ANO1: variants seen among roughly 807,000 people sequenced by gnomAD.
ANO1 encodes anoctamin-1.
ANO1 carries 59 observed loss-of-function variants against 124.0 expected under a neutral mutation model. The observed-to-expected ratio is 0.48, with a 90% CI of 0.39 to 0.59. The LOEUF (loss-of-function observed/expected upper bound fraction) is 0.59, where lower values mean the gene tolerates loss of function less well. Among genes scored for constraint, ANO1 ranks in the 20% least tolerant of loss-of-function variants. ANO1 has a pLI of 0.00. For synonymous variants in ANO1, 529 were observed against 532.0 expected (o/e 0.99, Z 0.08); for missense variants, 1,059 against 1,328.0 (o/e 0.80, Z 3.15).
chr11:70,066,912 A>G (rs12419772), intron 1 of ANO1, among the ~76,000 whole-genome samples: 14,149 of 151,920 alleles, frequency 0.093, 988 homozygotes, highest in Admixed American at 0.18. Context: ...GCCTGTCCCC[A>G]CTCCCAGGCC....
At chr11:70,165,417 G>C in intron 19 of ANO1, 53 bp from the exon 20 acceptor site, 1 of 1,474,892 alleles carries the variant, frequency 6.8e-7, no homozygotes, top group Non-Finnish European at 9.3e-7. Flanking sequence ...GCAGGGCTGG[G>C]GTCCCTCTCT....
intron 6 of ANO1, chr11:70,111,101 T>C (rs1355166561): frequency 2.2e-6 from 1 of 456,306 alleles, no homozygotes; most frequent in Admixed American, 2.4e-5. Flanking sequence ...CCCTTCCACC[T>C]CACTAATAGC....
chr11:70,061,912 AG>A (rs1313307361), intron 1 of ANO1, among the ~76,000 whole-genome samples: 4 of 152,148 alleles, frequency 2.6e-5, no homozygotes, highest in Admixed American at 1.3e-4. Flanking sequence ...AGTAAACCAC[AG>A]GAAGTGTCAG....
At chr11:70,040,265 T>G (rs1857162697) in intron 1 of ANO1, among the ~76,000 whole-genome samples, 1 of 152,056 alleles carries the variant, frequency 6.6e-6, no homozygotes, top group African/African-American at 2.4e-5. Flanking sequence ...CACAAAACCT[T>G]ACTAAGGTTT....
At chr11:70,091,920 T>C (rs2044643001) in intron 2 of ANO1, among the ~76,000 whole-genome samples, 1 of 152,142 alleles carries the variant, frequency 6.6e-6, no homozygotes, top group Non-Finnish European at 1.5e-5. Context: ...GGCCAGTTCT[T>C]GGAGATCGGA....
At chr11:69,991,346 G>A (rs1253238999) in intron 1 of ANO1, among the ~76,000 whole-genome samples, 1 of 152,156 alleles carries the variant, frequency 6.6e-6, no homozygotes, top group Non-Finnish European at 1.5e-5. Flanking sequence ...GGTAGGTTTG[G>A]GATGCCCTGT....
chr11:70,161,525 G>T, intron 17 of ANO1, 97 bp from the exon 18 acceptor site: 3 of 1,435,612 alleles, frequency 2.1e-6, no homozygotes, highest in South Asian at 2.3e-5. Context: ...TATGAGAGCC[G>T]ACTGAGTGAC....
intron 3 of ANO1, 49 bp downstream of exon 3, chr11:70,103,213 C>T: frequency 6.9e-7 from 1 of 1,455,754 alleles, no homozygotes; most frequent in Non-Finnish European, 9.4e-7. Context: ...GTCTAGAGGT[C>T]ACTTGGACGC....
At chr11:70,033,567 T>A (rs1197828132) in intron 1 of ANO1, among the ~76,000 whole-genome samples, 1 of 152,150 alleles carries the variant, frequency 6.6e-6, no homozygotes, top group African/African-American at 2.4e-5. Context: ...CTCTTCTCCC[T>A]GTGGCCTTAT....
intron 7 of ANO1, 81 bp from the exon 8 acceptor site, chr11:70,116,377 A>T: frequency 7.3e-7 from 1 of 1,365,394 alleles, no homozygotes; most frequent in African/African-American, 1.4e-5. Flanking sequence ...GCTGGGGTTT[A>T]TGTTTTGAAA....
At chr11:70,057,664 C>G (rs1387053392) in intron 1 of ANO1, among the ~76,000 whole-genome samples, 1 of 151,914 alleles carries the variant, frequency 6.6e-6, no homozygotes, top group African/African-American at 2.4e-5. Context: ...GACTCATTGT[C>G]CAGGGGAGGA....
upstream of ANO1, among the ~76,000 whole-genome samples, chr11:69,983,615 C>G (rs555412374): frequency 3.3e-5 from 5 of 152,342 alleles, no homozygotes; most frequent in African/African-American, 1.2e-4. Flanking sequence ...TCCTGCGGGC[C>G]ACATGGGCAG....
chr11:70,129,426 C>G (rs545358883), intron 10 of ANO1: 2 of 152,292 alleles, frequency 1.3e-5, no homozygotes, highest in Non-Finnish European at 2.9e-5. Flanking sequence ...AATGCAAGAG[C>G]TGAGATACAA....
intron 1 of ANO1, among the ~76,000 whole-genome samples, chr11:70,073,203 C>A (rs545913457): frequency 1.3e-5 from 2 of 151,288 alleles, no homozygotes; most frequent in African/African-American, 2.4e-5. Context: ...TGTCCCGCTG[C>A]GGGGAGTCCG....
intron 11 of ANO1, among the ~76,000 whole-genome samples, chr11:70,136,565 C>T (rs2046963480): frequency 6.8e-6 from 1 of 147,644 alleles, no homozygotes; most frequent in African/African-American, 2.4e-5. Flanking sequence ...TGCTGAGGTT[C>T]GAAGGCTCAG....
intron 6 of ANO1, among the ~76,000 whole-genome samples, chr11:70,110,914 G>C (rs969618018): frequency 6.6e-6 from 1 of 152,262 alleles, no homozygotes; most frequent in African/African-American, 2.4e-5. Context: ...ATGCGCACCT[G>C]TTAGGACACA....
chr11:70,140,543 AAAGAAG>A (rs1002338090), intron 11 of ANO1, among the ~76,000 whole-genome samples: 1 of 152,008 alleles, frequency 6.6e-6, no homozygotes, highest in Non-Finnish European at 1.5e-5. Flanking sequence ...AGGAAAAAAA[AAAGAAG>A]AAGAAGAAGA....
At chr11:70,128,596 A>G (rs1368398012) in intron 10 of ANO1, among the ~76,000 whole-genome samples, 3 of 152,216 alleles carry the variant, frequency 2.0e-5, no homozygotes, top group Non-Finnish European at 4.4e-5. Flanking sequence ...GGCCAAAGCC[A>G]AGGCCTCTGC....
the ANO1 span, among the ~76,000 whole-genome samples, chr11:69,980,535 G>A: frequency 1.3e-5 from 2 of 151,314 alleles, no homozygotes; most frequent in African/African-American, 4.9e-5. Flanking sequence ...GCAGGAGAAT[G>A]GCGTGAACCC....
Sources: allele counts gnomAD v4.1 joint callset (sites outside exome capture counted in the v4.1 genomes callset), GRCh38; gene constraint gnomAD v4.1.1; transcripts MANE v1.5; gene names NCBI Gene and HGNC (gene_info 2026-07-23, HGNC 2026-07-21).